Variants in SLC16A7 observed in about 807,000 individuals in gnomAD.
SLC16A7 encodes monocarboxylate transporter 2.
In SLC16A7, 33 loss-of-function variants were observed where a neutral mutation model predicts 34.9. The observed-to-expected ratio is 0.94, with a 90% CI of 0.72 to 1.26. SLC16A7 has a LOEUF of 1.26. SLC16A7 is among the 50% of genes most tolerant of loss of function. The pLI is 0.00. For missense variants in SLC16A7, 573 were observed against 578.1 expected, an observed-to-expected ratio of 0.99 and a Z score of 0.09; for synonymous variants, 201 against 206.6, an observed-to-expected ratio of 0.97 and a Z score of 0.23.
At chr12:59,722,745 A>G (rs1875755289) in intron 3 of SLC16A7, among the ~76,000 whole-genome samples, 1 of 151,786 alleles carries the variant, frequency 6.6e-6, no homozygotes, top group Admixed American at 6.6e-5. Flanking sequence ...TAAAATTTCA[A>G]CAACACGTCA....
At chr12:59,648,206 C>T (rs572568970) in intron 1 of SLC16A7, among the ~76,000 whole-genome samples, 1 of 152,154 alleles carries the variant, frequency 6.6e-6, no homozygotes, top group East Asian at 1.9e-4. Context: ...CTGGACAGGC[C>T]TTGGGGTCCT....
chr12:59,724,281 C>G (rs1489993757), intron 3 of SLC16A7, among the ~76,000 whole-genome samples: 4 of 151,944 alleles, frequency 2.6e-5, no homozygotes, highest in Non-Finnish European at 4.4e-5. Context: ...AACTTTTCAC[C>G]TTTCACACCA....
intron 3 of SLC16A7, among the ~76,000 whole-genome samples, chr12:59,705,589 A>G (rs1020193873): frequency 1.3e-5 from 2 of 152,146 alleles, no homozygotes; most frequent in Non-Finnish European, 2.9e-5. Flanking sequence ...ATTACATTCT[A>G]TGTTCAAATG....
chr12:59,615,017 T>A (rs1021537869), intron 1 of SLC16A7, among the ~76,000 whole-genome samples: 18 of 149,982 alleles, frequency 1.2e-4, no homozygotes, highest in African/African-American at 2.4e-4. Flanking sequence ...AATAAATAAA[T>A]AAAAATAAAT....
chr12:59,680,972 C>T (rs547748621), intron 2 of SLC16A7, among the ~76,000 whole-genome samples: 17 of 152,236 alleles, frequency 1.1e-4, no homozygotes, highest in Middle Eastern at 3.4e-3. Context: ...ATTGATAATG[C>T]CCTCAATGGA....
At chr12:59,705,686 T>TA (rs764309436) in intron 3 of SLC16A7, among the ~76,000 whole-genome samples, 1 of 152,146 alleles carries the variant, frequency 6.6e-6, no homozygotes, top group Non-Finnish European at 1.5e-5. Flanking sequence ...GGTGCCTTAT[T>TA]ATGTCATCTA....
In SLC16A7 at chr12:59,634,640, T is replaced by C. The variant is rs139268896; in HGVS notation, c.-129-20512T>C. On this transcript the variant is annotated intron_variant, in intron 1 of 5. Coordinates refer to ENST00000547379, the MANE Select transcript of SLC16A7 (RefSeq NM_001270623.2). ...CCTGAGTAGATATCCAGGGCAATGC[T>C]ATATCAAAGGTGTAAGGTTTTTGCT... 3.3e-3 allele frequency among the ~76,000 whole-genome samples: 498 copies of C among 152,152 alleles called. 5 individuals are homozygous for C. Among genetic ancestry groups the C allele is most frequent in the African/African-American group, 0.012 (491 of 41,550 alleles).
intron 3 of SLC16A7, among the ~76,000 whole-genome samples, chr12:59,758,046 T>C (rs1880591722): frequency 6.6e-6 from 1 of 152,118 alleles, no homozygotes; most frequent in Non-Finnish European, 1.5e-5. Flanking sequence ...CAATTCACCC[T>C]TGAACAACAC....
At chr12:59,607,075 G>A (rs1878980497) in intron 1 of SLC16A7, among the ~76,000 whole-genome samples, 1 of 152,112 alleles carries the variant, frequency 6.6e-6, no homozygotes, top group African/African-American at 2.4e-5. Context: ...GTTTTCTGTG[G>A]CTGCCTTCCT....
At position 59,714,779 on chromosome 12, in the gene SLC16A7, G is replaced by A. The variant is rs1874698192; in HGVS notation, c.217+9761G>A. The stretch of plus-strand genomic sequence containing the variant: ...GGGGTTTCGCCACATTGGCAAGACT[G>A]GTCTTGAACTCCTGACCTCAGGTGA... On this transcript the variant is annotated intron_variant, in intron 3 of 5. Transcript: ENST00000547379. Among the ~76,000 whole-genome samples the A allele has an allele frequency of 1.3e-5, 2 of 152,056 alleles. 1 individual carries two copies. Among genetic ancestry groups the A allele is most frequent in the South Asian group, 4.1e-4 (2 of 4,828 alleles).
chr12:59,763,951 C>G (rs905299358), intron 3 of SLC16A7: 1 of 152,182 alleles, frequency 6.6e-6, no homozygotes, highest in Non-Finnish European at 1.5e-5. Flanking sequence ...TCCCCCTCTC[C>G]TAGGGCCTCT....
intron 2 of SLC16A7, among the ~76,000 whole-genome samples, chr12:59,667,296 G>T (rs1565637998): frequency 6.6e-6 from 1 of 152,144 alleles, no homozygotes; most frequent in Non-Finnish European, 1.5e-5. Flanking sequence ...GAAAATGCAG[G>T]AAAATTTGGA....
intron 3 of SLC16A7, among the ~76,000 whole-genome samples, chr12:59,764,295 G>A (rs1881312838): frequency 6.6e-6 from 1 of 152,148 alleles, no homozygotes; most frequent in Admixed American, 6.6e-5. Context: ...GGAATCTGCA[G>A]AAGAGAAGTT....
chr12:59,671,961 ATGTGTATATATCCATATATC>A lies in SLC16A7; in HGVS notation c.-31+16712_-31+16731del, dbSNP rs1254487455. On this transcript the variant is annotated intron_variant, in intron 2 of 5. Coordinates refer to ENST00000547379, the MANE Select transcript of SLC16A7 (RefSeq NM_001270623.2). ...TGTATATATGTGTATATATGTATAT[ATGTGTATATATCCATATATC>A]CGTATATATATGTGTATATATCCAT... Among the ~76,000 whole-genome samples the A allele has an allele frequency of 9.9e-5, 7 of 70,952 alleles. 2 individuals are homozygous for A. Among genetic ancestry groups the A allele is most frequent in the African/African-American group, 5.0e-4 (7 of 14,046 alleles). The allele number at this position is 70,952 out of a possible 152,430, so 46.5% of individuals were successfully genotyped here.
chr12:59,775,088 A>G lies in SLC16A7; in HGVS notation c.793A>G (p.Ile265Val), dbSNP rs1882614890. ...TATGTTCCTAGGTTTTTTTGCCCCCATTATATTCTTGGCTCCATATGCTAA... is the reference window on the plus strand; with the variant it reads ...TATGTTCCTAGGTTTTTTTGCCCCCGTTATATTCTTGGCTCCATATGCTAA... ...VIMFLGFFAP[I>V]IFLAPYAKDQ... Residue 265 changes from isoleucine to valine, a missense_variant, in exon 5 of 6, where the codon ATT (isoleucine) becomes GTT (valine). By Grantham distance (29) the Ile-to-Val change is conservative. Transcript: ENST00000547379. 1 of 1,613,998 alleles carries G rather than the reference A, an allele frequency of 6.2e-7. No individual in the cohort carries two copies. Among genetic ancestry groups the G allele is most frequent in the Non-Finnish European group, 8.5e-7 (1 of 1,179,966 alleles).
At chr12:59,695,370 G>A (rs745695773) in intron 2 of SLC16A7, among the ~76,000 whole-genome samples, 2 of 151,944 alleles carry the variant, frequency 1.3e-5, no homozygotes, top group South Asian at 2.1e-4. Flanking sequence ...AAAAGCCACC[G>A]ATGGGTCCGA....
intron 3 of SLC16A7, among the ~76,000 whole-genome samples, chr12:59,730,758 C>T (rs1876855606): frequency 6.6e-6 from 1 of 152,120 alleles, no homozygotes; most frequent in South Asian, 2.1e-4. Context: ...GAAATACTTG[C>T]ATTTCAGAAT....
intron 1 of SLC16A7, among the ~76,000 whole-genome samples, chr12:59,615,033 A>AATAC (rs1879384449): frequency 6.6e-6 from 1 of 150,994 alleles, no homozygotes; most frequent in Admixed American, 6.6e-5. Flanking sequence ...TAAATAAATA[A>AATAC]ATAAATAAAA....
At chr12:59,740,460 GT>G (rs1271678951) in intron 3 of SLC16A7, among the ~76,000 whole-genome samples, 2 of 152,146 alleles carry the variant, frequency 1.3e-5, no homozygotes, top group African/African-American at 2.4e-5. Context: ...TTGTAGTATA[GT>G]TTGAAGTCAG....
Sources: allele counts gnomAD v4.1 joint callset (sites outside exome capture counted in the v4.1 genomes callset), GRCh38; gene constraint gnomAD v4.1.1; transcripts MANE v1.5; gene names NCBI Gene and HGNC (gene_info 2026-07-23, HGNC 2026-07-21).